Variants in MAST4 observed in about 807,000 individuals in gnomAD.
The protein encoded by MAST4 is microtubule-associated serine/threonine-protein kinase 4.
A neutral mutation model predicts 162.7 loss-of-function variants in MAST4; 89 were observed. The observed-to-expected ratio is 0.55, with a 90% CI of 0.46 to 0.65. The LOEUF (loss-of-function observed/expected upper bound fraction) is 0.65, where lower values mean the gene tolerates loss of function less well. MAST4 is among the 30% of genes least tolerant of loss of function. The pLI is 0.00. For missense variants in MAST4, 3,153 were observed against 3,374.0 expected (o/e 0.93, Z 1.62); for synonymous variants, 1,479 against 1,361.1 (o/e 1.09, Z -1.91).
intron 4 of MAST4, among the ~76,000 whole-genome samples, chr5:66,987,279 G>C (rs1323821415): frequency 6.6e-6 from 1 of 152,072 alleles, no homozygotes; most frequent in African/African-American, 2.4e-5. Flanking sequence ...CAGTTGATTT[G>C]GTGTAACCCT....
rs1026457340 is a variant in MAST4, at chr5:66,851,410, G to A, written c.643-48541G>A. 2.0e-5 allele frequency among the ~76,000 whole-genome samples: 3 copies of A among 152,324 alleles called. No individual in the cohort carries two copies. The South Asian group carries it at 6.2e-4, about 32-fold the overall frequency. On this transcript the variant is annotated intron_variant, in intron 3 of 28. Coordinates refer to ENST00000403625, the MANE Select transcript of MAST4 (RefSeq NM_001164664.2). ...AATTTATTAGGCTGCTAGCCAATTT[G>A]AGGCAACCTCTTAGTAACAAATTTT...
At chr5:66,603,863 T>G (rs935485522) in intron 1 of MAST4, among the ~76,000 whole-genome samples, 2 of 152,246 alleles carry the variant, frequency 1.3e-5, no homozygotes, top group Non-Finnish European at 2.9e-5. Context: ...CAGAGCATCT[T>G]GTTCTCTTTT....
intron 1 of MAST4, among the ~76,000 whole-genome samples, chr5:66,621,346 G>T (rs1313931329): frequency 2.0e-5 from 3 of 152,190 alleles, no homozygotes; most frequent in Admixed American, 6.5e-5. Context: ...TCATTCTTTT[G>T]TCTCGCAGTG....
chr5:66,665,204 AAGCAAGTCTT>A (rs1468467687), intron 1 of MAST4, among the ~76,000 whole-genome samples: 2 of 151,840 alleles, frequency 1.3e-5, no homozygotes, highest in African/African-American at 4.8e-5. Flanking sequence ...ACATGGGGAC[AAGCAAGTCTT>A]TGATTGTTTG....
chr5:67,027,396 C>T (rs74440714), intron 4 of MAST4, among the ~76,000 whole-genome samples: 2,928 of 152,166 alleles, frequency 0.019, 116 homozygotes, highest in African/African-American at 0.068. Flanking sequence ...CACAGATGAA[C>T]GTAAATACAC....
intron 3 of MAST4, among the ~76,000 whole-genome samples, chr5:66,894,678 C>T (rs1428495554): frequency 6.6e-6 from 1 of 152,180 alleles, no homozygotes; most frequent in Non-Finnish European, 1.5e-5. Flanking sequence ...ACTTGAAATT[C>T]ATTGGTGTCA....
chr5:66,608,085 A>G (rs930951582), intron 1 of MAST4, among the ~76,000 whole-genome samples: 10 of 144,706 alleles, frequency 6.9e-5, no homozygotes, highest in African/African-American at 2.3e-4. Context: ...TTTTTGAGAC[A>G]GAGTCTCTGT....
intron 6 of MAST4, 30 bp downstream of exon 6, chr5:67,090,261 G>C: frequency 1.3e-6 from 2 of 1,561,758 alleles, no homozygotes. Flanking sequence ...GGAGGCATAA[G>C]GTCTTATAGA....
chr5:66,905,620 G>C (rs1002167340), intron 4 of MAST4, among the ~76,000 whole-genome samples: 1 of 152,146 alleles, frequency 6.6e-6, no homozygotes, highest in Non-Finnish European at 1.5e-5. Context: ...GTCCTGAGAG[G>C]TCCTCAGAAC....
intron 9 of MAST4, among the ~76,000 whole-genome samples, chr5:67,103,847 C>T (rs1199866240): frequency 6.6e-6 from 1 of 152,076 alleles, no homozygotes; most frequent in Non-Finnish European, 1.5e-5. Flanking sequence ...TCTGAAAGAG[C>T]CCAAGATCTT....
intron 20 of MAST4, 83 bp from the exon 21 acceptor site, chr5:67,142,338 T>C (rs1359264953): frequency 3.3e-6 from 5 of 1,531,930 alleles, no homozygotes; most frequent in African/African-American, 2.8e-5. Context: ...TTAAACATAA[T>C]GTTGATCCAG....
intron 4 of MAST4, among the ~76,000 whole-genome samples, chr5:66,955,697 A>T (rs1441231535): frequency 6.6e-6 from 1 of 152,204 alleles, no homozygotes; most frequent in Non-Finnish European, 1.5e-5. Context: ...GTATGTGTCT[A>T]TGAAAGGGAA....
Position 67,166,182 on chromosome 5 carries a change from A to C in MAST4, c.7003A>C (p.Lys2335Gln), listed in dbSNP as rs899267804. The stretch of plus-strand genomic sequence containing the variant: ...GCAAACCCTGTCTCCAAAGCACCCC[A>C]AACCATCCACTGTGAAAGATTGCCC... The part of the protein sequence containing the change: ...EKQTLSPKHP[K>Q]PSTVKDCPTL... The change falls in exon 29 of 29, where the codon AAA becomes CAA. Residue 2335 changes from lysine (K) to glutamine (Q), a missense_variant. By Grantham distance (53) the Lys-to-Gln change is moderately conservative. Coordinates refer to ENST00000403625, the MANE Select transcript of MAST4 (RefSeq NM_001164664.2). 31 of 1,555,076 alleles carry C rather than the reference A, an allele frequency of 2.0e-5. No homozygotes were observed. The highest frequency in any genetic ancestry group is 2.6e-5 in the Non-Finnish European group (30 of 1,148,910).
chr5:66,988,889 T>G (rs1209295754), intron 4 of MAST4, among the ~76,000 whole-genome samples: 2 of 152,238 alleles, frequency 1.3e-5, no homozygotes, highest in Non-Finnish European at 2.9e-5. Flanking sequence ...TTAACGTTTC[T>G]AGAATCAGAT....
chr5:66,647,419 G>T (rs528830337), intron 1 of MAST4, among the ~76,000 whole-genome samples: 4 of 152,076 alleles, frequency 2.6e-5, no homozygotes, highest in African/African-American at 9.6e-5. Flanking sequence ...TATCTAAGAA[G>T]TTGTTTTTAC....
At chr5:66,692,156 CAT>C (rs1187594134) in intron 1 of MAST4, among the ~76,000 whole-genome samples, 2 of 152,182 alleles carry the variant, frequency 1.3e-5, no homozygotes, top group African/African-American at 2.4e-5. Flanking sequence ...CACTCTCACT[CAT>C]GTGCTCTGTC....
At chr5:66,777,726 T>A (rs1187753202) in intron 2 of MAST4, among the ~76,000 whole-genome samples, 4 of 152,206 alleles carry the variant, frequency 2.6e-5, no homozygotes, top group Admixed American at 6.5e-5. Context: ...CTTAATCATT[T>A]GATTATTATT....
chr5:67,100,714 T>C lies in MAST4; in HGVS notation c.1070+122T>C, dbSNP rs138438363. ...ACTGACTTGCAAACTATTACAAATATAGTGTGATGTTTCCATGTACACATA... is the reference window on the plus strand; with the variant it reads ...ACTGACTTGCAAACTATTACAAATACAGTGTGATGTTTCCATGTACACATA... On this transcript the variant is annotated intron_variant, in intron 8 of 28. Coordinates refer to ENST00000403625, the MANE Select transcript of MAST4 (RefSeq NM_001164664.2). 2.7e-5 allele frequency: 31 copies of C among 1,154,588 alleles called. No individual in the cohort carries two copies. The East Asian group carries it at 6.2e-4, about 23-fold the overall frequency. The allele number at this position is 1,154,588 out of a possible 1,614,324, so 71.5% of individuals were successfully genotyped here.
chr5:66,678,993 T>G (rs62359988), intron 1 of MAST4, among the ~76,000 whole-genome samples: 27,893 of 152,206 alleles, frequency 0.18, 2,907 homozygotes, highest in East Asian at 0.31. Context: ...AGTTTTGCCA[T>G]GTTGGCCAGG....
Sources: gnomAD v4.1 joint callset for allele counts (sites outside exome capture counted in the v4.1 genomes callset) on GRCh38, gnomAD v4.1.1 for gene constraint, MANE v1.5 for transcripts, NCBI Gene and HGNC (gene_info 2026-07-23, HGNC 2026-07-21) for gene names.